The following CTNNA3 variants were observed in gnomAD, a reference collection of about 807,000 sequenced individuals.
CTNNA3 encodes catenin alpha-3.
In CTNNA3, 76 loss-of-function variants were observed where a neutral mutation model predicts 95.7. The observed-to-expected ratio is 0.79, with a 90% CI of 0.66 to 0.96. CTNNA3 has a LOEUF of 0.96. Ranked by LOEUF, CTNNA3 falls within the 40% of genes least tolerant of loss-of-function variation. The pLI is 0.00. For missense variants in CTNNA3, 1,191 were observed against 1,089.8 expected, an observed-to-expected ratio of 1.09 and a Z score of -1.31; for synonymous variants, 431 against 374.4, an observed-to-expected ratio of 1.15 and a Z score of -1.74.
At chr10:66,577,268 CA>C (rs1021158274) in intron 10 of CTNNA3, among the ~76,000 whole-genome samples, 3 of 151,818 alleles carry the variant, frequency 2.0e-5, no homozygotes, top group African/African-American at 4.8e-5. Context: ...TTCTCCCATT[CA>C]GAAGGTTGTC....
At chr10:66,685,349 ATATTTTTT>A (rs1847251725) in intron 9 of CTNNA3, among the ~76,000 whole-genome samples, 1 of 41,038 alleles carries the variant, frequency 2.4e-5, no homozygotes, top group Non-Finnish European at 3.8e-5. Flanking sequence ...ATATATATAT[ATATTTTTT>A]TTTTTTTTTT....
intron 15 of CTNNA3, among the ~76,000 whole-genome samples, chr10:66,012,001 T>G (rs984921919): frequency 5.3e-5 from 8 of 152,154 alleles, no homozygotes; most frequent in African/African-American, 1.7e-4. Flanking sequence ...AAAGACCATT[T>G]TGGGAACAGA....
At chr10:67,105,737 A>G (rs1484062638) in intron 7 of CTNNA3, among the ~76,000 whole-genome samples, 1 of 152,190 alleles carries the variant, frequency 6.6e-6, no homozygotes, top group Non-Finnish European at 1.5e-5. Context: ...CTTATTTTAT[A>G]TTCACTTATA....
intron 11 of CTNNA3, among the ~76,000 whole-genome samples, chr10:66,504,800 CA>C (rs1246781046): frequency 2.0e-5 from 3 of 152,092 alleles, no homozygotes; most frequent in Non-Finnish European, 2.9e-5. Flanking sequence ...AAGTCTTTGT[CA>C]ATATATCTGG....
At position 67,234,805 on chromosome 10, in the gene CTNNA3, T is replaced by C. The variant is rs552399901; in HGVS notation, c.580-14935A>G. ...GAATCTCCTTAAGCTGATAAGCAAC[T>C]TCAGCAAAATCTCAGGATACAAAAT... On this transcript the variant is annotated intron_variant, in intron 5 of 17. Coordinates refer to ENST00000433211, the MANE Select transcript of CTNNA3 (RefSeq NM_013266.4). 2.0e-5 allele frequency among the ~76,000 whole-genome samples: 3 copies of C among 152,036 alleles called. No individual in the cohort carries two copies. In the East Asian group the frequency reaches 5.8e-4, roughly 29 times the overall value.
intron 10 of CTNNA3, among the ~76,000 whole-genome samples, chr10:66,587,148 A>G (rs1418223151): frequency 6.6e-6 from 1 of 152,162 alleles, no homozygotes; most frequent in Non-Finnish European, 1.5e-5. Context: ...TGGTTTTCTC[A>G]AATGCCAGCT....
At chr10:66,926,278 C>A in intron 7 of CTNNA3, 1 of 483,440 alleles carries the variant, frequency 2.1e-6, no homozygotes, top group Non-Finnish European at 3.8e-6. Context: ...TTTTAACCGC[C>A]CCCTCCCCAC....
chr10:67,094,972 TA>T (rs948899939), intron 7 of CTNNA3, among the ~76,000 whole-genome samples: 86 of 151,716 alleles, frequency 5.7e-4, no homozygotes, highest in African/African-American at 1.7e-3. Context: ...ATACCTGATT[TA>T]AATGATTTTG....
intron 5 of CTNNA3, among the ~76,000 whole-genome samples, chr10:67,304,655 A>G (rs1346889046): frequency 6.6e-6 from 1 of 152,088 alleles, no homozygotes; most frequent in Non-Finnish European, 1.5e-5. Flanking sequence ...GGATCAGCTA[A>G]CCAATCTCAC....
At chr10:67,457,904 G>A (rs1163242646) in intron 5 of CTNNA3, among the ~76,000 whole-genome samples, 1 of 152,062 alleles carries the variant, frequency 6.6e-6, no homozygotes, top group Non-Finnish European at 1.5e-5. Flanking sequence ...TCCATATTTT[G>A]CAGGTCCATT....
At chr10:67,454,456 C>A (rs943062481) in intron 5 of CTNNA3, among the ~76,000 whole-genome samples, 1 of 152,118 alleles carries the variant, frequency 6.6e-6, no homozygotes, top group African/African-American at 2.4e-5. Flanking sequence ...CTAAAGCAAT[C>A]TAGCTTTTCC....
intron 6 of CTNNA3, among the ~76,000 whole-genome samples, chr10:67,210,189 C>G (rs1864082805): frequency 6.6e-6 from 1 of 152,030 alleles, no homozygotes; most frequent in South Asian, 2.1e-4. Flanking sequence ...CACCTGTAGT[C>G]CCAGCTACTC....
At chr10:67,377,442 T>C (rs1243086754) in intron 5 of CTNNA3, among the ~76,000 whole-genome samples, 1 of 152,200 alleles carries the variant, frequency 6.6e-6, no homozygotes, top group Non-Finnish European at 1.5e-5. Flanking sequence ...TGAAGTACTT[T>C]TCTATTATAA....
intron 15 of CTNNA3, among the ~76,000 whole-genome samples, chr10:66,028,118 G>C (rs1042167989): frequency 6.6e-6 from 1 of 152,060 alleles, no homozygotes; most frequent in African/African-American, 2.4e-5. Context: ...CTTCAACATG[G>C]AAAAATCAGT....
intron 9 of CTNNA3, among the ~76,000 whole-genome samples, chr10:66,623,480 A>G (rs1002980620): frequency 6.6e-6 from 1 of 152,136 alleles, no homozygotes; most frequent in Admixed American, 6.6e-5. Context: ...TTAAAAGCCA[A>G]TTAAGTGACT....
In CTNNA3 at chr10:66,935,710, ATGTACCAGGAATT is replaced by A. The variant is rs550301006; in HGVS notation, c.1048-160199_1048-160187del. On this transcript the variant is annotated intron_variant, in intron 7 of 17. Transcript: ENST00000433211. ...ATTTTGGTATAATTGAGTCCTTATT[ATGTACCAGGAATT>A]TGTATATATTATCTAATGATTTGAT... Among the ~76,000 whole-genome samples the A allele has an allele frequency of 2.7e-3, 418 of 152,122 alleles. 5 individuals carry two copies. Among genetic ancestry groups the A allele is most frequent in the African/African-American group, 9.8e-3 (408 of 41,502 alleles).
chr10:67,134,580 T>C (rs1860199481), intron 7 of CTNNA3, among the ~76,000 whole-genome samples: 1 of 152,096 alleles, frequency 6.6e-6, no homozygotes, highest in Non-Finnish European at 1.5e-5. Flanking sequence ...CCCTGAACTT[T>C]GAGCACCCAT....
In CTNNA3 at chr10:65,920,549, T is replaced by C. The variant is rs1589129641; in HGVS notation, c.2469A>G (p.Lys823=). The part of the protein sequence containing the change: ...NLMNAVVQTV[K]MSYIASTKII... The stretch of plus-strand genomic sequence containing the variant: ...TCTTGGTTGAGGCAATGTAAGACAT[T>C]TTCACTGTTTGCACTACAGCATTCA... The change falls in exon 18 of 18, where the codon AAA becomes AAG. Residue 823 remains lysine, a synonymous_variant. Coordinates refer to ENST00000433211, the MANE Select transcript of CTNNA3 (RefSeq NM_013266.4). 1 of 1,614,162 alleles carries C rather than the reference T, an allele frequency of 6.2e-7. No individual in the cohort carries two copies. Among genetic ancestry groups the C allele is most frequent in the African/African-American group, 1.3e-5 (1 of 75,040 alleles).
In CTNNA3 at chr10:66,379,363, A is replaced by G; in HGVS notation, c.1532-11T>C. The G allele has an allele frequency of 6.2e-7, 1 of 1,609,112 alleles. No homozygotes were observed. On this transcript the variant is annotated splice_polypyrimidine_tract_variant and intron_variant, in intron 11 of 17. Transcript: ENST00000433211. ...CCAAGATATGGCTTTCTGTAAGTAA[A>G]TGAATCAAATTAGTTTTTGCGTGTG... is the stretch of plus-strand genomic sequence containing the variant.
Sources: gnomAD v4.1 joint callset for allele counts (sites outside exome capture counted in the v4.1 genomes callset) on GRCh38, gnomAD v4.1.1 for gene constraint, MANE v1.5 for transcripts, NCBI Gene and HGNC (gene_info 2026-07-23, HGNC 2026-07-21) for gene names.